Variants in TMC1 observed in about 807,000 individuals in gnomAD.
TMC1 encodes transmembrane channel like 1, also known as transmembrane channel-like protein 1.
In TMC1, 84 loss-of-function variants were observed where a neutral mutation model predicts 105.8. The observed-to-expected ratio is 0.79, with a 90% CI of 0.67 to 0.95. TMC1 has a LOEUF of 0.95. TMC1 is among the 40% of genes least tolerant of loss of function. The pLI, the probability that TMC1 is intolerant of heterozygous loss-of-function variation, is 0.00. For missense variants in TMC1, 817 were observed against 914.1 expected, an observed-to-expected ratio of 0.89 and a Z score of 1.37; for synonymous variants, 315 against 311.5, an observed-to-expected ratio of 1.01 and a Z score of -0.12.
At position 72,524,920 on chromosome 9, in the gene TMC1, C is replaced by T. The variant is rs190435167; in HGVS notation, c.-428+3007C>T. Among the ~76,000 whole-genome samples, 349 of 152,276 alleles carry T rather than the reference C, an allele frequency of 2.3e-3. 4 individuals are homozygous for T. The highest frequency in any genetic ancestry group is 2.1e-3 in the Non-Finnish European group (141 of 68,022). On this transcript the variant is annotated intron_variant, in intron 1 of 23. Coordinates refer to ENST00000297784, the MANE Select transcript of TMC1 (RefSeq NM_138691.3). ...GACACGAGGATATACTAATTAGCGT[C>T]GTTACCGGAAAATTCCACATATCTC...
chr9:72,791,856 A>ACCTAGTTTCTC (rs1483815527), intron 15 of TMC1, 30 bp from the exon 16 acceptor site: 2 of 1,590,076 alleles, frequency 1.3e-6, no homozygotes, highest in East Asian at 4.5e-5. Context: ...AACACCATTA[A>ACCTAGTTTCTC]CCTAGTTTCT....
intron 5 of TMC1, among the ~76,000 whole-genome samples, chr9:72,672,829 C>A (rs1368925109): frequency 2.4e-5 from 3 of 125,368 alleles, no homozygotes; most frequent in Non-Finnish European, 5.3e-5. Flanking sequence ...GGGCAACACA[C>A]ACACACACAC....
intron 9 of TMC1, 39 bp downstream of exon 9, chr9:72,740,248 C>T: frequency 6.4e-7 from 1 of 1,560,148 alleles, no homozygotes; most frequent in Admixed American, 1.7e-5. Flanking sequence ...TGGCATATTG[C>T]CTCTAAGAAG....
intron 2 of TMC1, among the ~76,000 whole-genome samples, chr9:72,600,264 G>C (rs1429337101): frequency 6.6e-6 from 1 of 152,192 alleles, no homozygotes; most frequent in African/African-American, 2.4e-5. Context: ...AGAGCTTACT[G>C]ACTATACTCA....
chr9:72,547,778 G>T (rs1823796836), intron 1 of TMC1, among the ~76,000 whole-genome samples: 1 of 152,182 alleles, frequency 6.6e-6, no homozygotes, highest in East Asian at 1.9e-4. Context: ...TACCCCCCAT[G>T]AACCTAGAAA....
At chr9:72,647,289 T>C (rs1236693918) in intron 4 of TMC1, among the ~76,000 whole-genome samples, 1 of 152,024 alleles carries the variant, frequency 6.6e-6, no homozygotes, top group Non-Finnish European at 1.5e-5. Context: ...TTTTTCTTTT[T>C]TAATTGTCTT....
At chr9:72,587,422 T>A (rs1024152583) in intron 2 of TMC1, among the ~76,000 whole-genome samples, 1 of 152,202 alleles carries the variant, frequency 6.6e-6, no homozygotes, top group African/African-American at 2.4e-5. Flanking sequence ...TCTCCCAAAG[T>A]GCTGGGATTA....
intron 8 of TMC1, among the ~76,000 whole-genome samples, chr9:72,702,142 A>C (rs1295384952): frequency 6.6e-6 from 1 of 152,188 alleles, no homozygotes; most frequent in Non-Finnish European, 1.5e-5. Context: ...AATATTAATG[A>C]CCCATAAAGT....
chr9:72,790,859 C>T (rs1312815028), intron 15 of TMC1, among the ~76,000 whole-genome samples: 1 of 152,014 alleles, frequency 6.6e-6, no homozygotes, highest in African/African-American at 2.4e-5. Flanking sequence ...TCCTGTTGGT[C>T]ATACTTATAT....
intron 8 of TMC1, among the ~76,000 whole-genome samples, chr9:72,704,726 C>T (rs1826705187): frequency 6.6e-6 from 1 of 152,134 alleles, no homozygotes; most frequent in Non-Finnish European, 1.5e-5. Flanking sequence ...CAATTTCACA[C>T]ATTCCTGTAG....
intron 4 of TMC1, among the ~76,000 whole-genome samples, chr9:72,629,228 C>T (rs920814694): frequency 2.0e-5 from 3 of 152,158 alleles, no homozygotes; most frequent in Non-Finnish European, 4.4e-5. Context: ...TCTGATGACT[C>T]TGAAGCTTAT....
chr9:72,806,452 T>C (rs1376057924), intron 18 of TMC1, among the ~76,000 whole-genome samples: 2 of 149,476 alleles, frequency 1.3e-5, no homozygotes, highest in East Asian at 4.0e-4. Context: ...GAGACGCTCC[T>C]CAGTTCCCAG....
chr9:72,538,075 G>C (rs1169772822), intron 1 of TMC1, among the ~76,000 whole-genome samples: 1 of 151,394 alleles, frequency 6.6e-6, no homozygotes, highest in Non-Finnish European at 1.5e-5. Flanking sequence ...AGGATTACTT[G>C]AGCCCAGGAG....
intron 17 of TMC1, among the ~76,000 whole-genome samples, chr9:72,795,992 G>T (rs1021072369): frequency 1.3e-5 from 2 of 150,894 alleles, no homozygotes; most frequent in African/African-American, 4.9e-5. Context: ...AAAAACATGG[G>T]TTATTGAAAT....
intron 18 of TMC1, among the ~76,000 whole-genome samples, chr9:72,810,686 A>G (rs1005930006): frequency 6.6e-6 from 1 of 152,162 alleles, no homozygotes; most frequent in Admixed American, 6.5e-5. Context: ...TCATTTCCCA[A>G]TGCTATTAAC....
chr9:72,637,350 T>C (rs1825554189), intron 4 of TMC1, among the ~76,000 whole-genome samples: 1 of 151,974 alleles, frequency 6.6e-6, no homozygotes, highest in Admixed American at 6.6e-5. Flanking sequence ...CTATACGTTC[T>C]TCACCGTGAT....
intron 17 of TMC1, among the ~76,000 whole-genome samples, chr9:72,799,962 G>T (rs569227795): frequency 6.6e-6 from 1 of 152,286 alleles, no homozygotes; most frequent in South Asian, 2.1e-4. Context: ...AGGTTGGAAT[G>T]ATGTGCTTTA....
At chr9:72,755,336 A>G (rs1827662439) in intron 12 of TMC1, among the ~76,000 whole-genome samples, 1 of 152,202 alleles carries the variant, frequency 6.6e-6, no homozygotes, top group Non-Finnish European at 1.5e-5. Context: ...TAGGGAATTA[A>G]AACTTTTACA....
intron 12 of TMC1, among the ~76,000 whole-genome samples, chr9:72,770,077 A>G (rs1234877705): frequency 6.6e-6 from 1 of 152,118 alleles, no homozygotes; most frequent in Non-Finnish European, 1.5e-5. Context: ...CCTCCCAAGC[A>G]TATTCTCCTG....
Sources: allele counts gnomAD v4.1 joint callset (sites outside exome capture counted in the v4.1 genomes callset), GRCh38; gene constraint gnomAD v4.1.1; transcripts MANE v1.5; gene names NCBI Gene and HGNC (gene_info 2026-07-23, HGNC 2026-07-21).